Variants in RCSD1 observed in about 807,000 individuals in gnomAD.
RCSD1 encodes RCSD domain containing 1, also known as capZ-interacting protein.
A neutral mutation model predicts 42.5 loss-of-function variants in RCSD1; 26 were observed. The ratio of observed to expected loss-of-function variants is 0.61; its 90% CI spans 0.45 to 0.85. The LOEUF is 0.85. Ranked by LOEUF, RCSD1 falls within the 40% of genes least tolerant of loss-of-function variation. RCSD1 has a pLI of 0.00. For synonymous variants in RCSD1, 220 were observed against 212.2 expected, an observed-to-expected ratio of 1.04 and a Z score of -0.32; for missense variants, 571 against 528.3, an observed-to-expected ratio of 1.08 and a Z score of -0.79.
chr1:167,631,142 C>T (rs777162883), intron 1 of RCSD1, among the ~76,000 whole-genome samples: 17 of 152,256 alleles, frequency 1.1e-4, no homozygotes, highest in Non-Finnish European at 2.1e-4. Context: ...CCCCGCACTT[C>T]TCTGCCTGCT....
chr1:167,663,569 A>G (rs1253887415), intron 1 of RCSD1: 5 of 152,276 alleles, frequency 3.3e-5, no homozygotes, highest in Admixed American at 3.3e-4. Flanking sequence ...GGCCAGAATC[A>G]CACTCCAGCT....
intron 1 of RCSD1, chr1:167,630,721 TAAAAAAAAAAAA>T (rs71097689): frequency 8.3e-4 from 27 of 32,600 alleles, no homozygotes; most frequent in East Asian, 1.3e-3. Context: ...ACTTAAATGC[TAAAAAAAAAAAA>T]AAAAAAAAAA....
intron 1 of RCSD1, among the ~76,000 whole-genome samples, chr1:167,631,139 C>T (rs147688590): frequency 1.1e-3 from 172 of 152,390 alleles, no homozygotes; most frequent in African/African-American, 4.0e-3. Flanking sequence ...AGGCCCCGCA[C>T]TTCTCTGCCT....
chr1:167,668,018 T>C (rs1229367), intron 1 of RCSD1, among the ~76,000 whole-genome samples: 114,287 of 151,944 alleles, frequency 0.75, 43,200 homozygotes, highest in African/African-American at 0.81. Flanking sequence ...GGGCCAGGTG[T>C]GATGGCTCAC....
chr1:167,646,589 T>G (rs567202327), intron 1 of RCSD1, among the ~76,000 whole-genome samples: 1 of 152,160 alleles, frequency 6.6e-6, no homozygotes, highest in Non-Finnish European at 1.5e-5. Flanking sequence ...TAGATATACA[T>G]GTGCCATGGT....
intron 5 of RCSD1, 125 bp downstream of exon 5, chr1:167,694,427 G>T: frequency 1.1e-6 from 1 of 901,502 alleles, no homozygotes; most frequent in East Asian, 2.7e-5. Flanking sequence ...TCAGAGCTGC[G>T]TGTTAACCCA....
chr1:167,691,177 T>C (rs974948266), intron 4 of RCSD1, among the ~76,000 whole-genome samples: 14 of 152,136 alleles, frequency 9.2e-5, no homozygotes, highest in Admixed American at 8.5e-4. Flanking sequence ...TTCCCACCCA[T>C]TGATGCCAGT....
At chr1:167,682,479 T>C (rs927305408) in intron 1 of RCSD1, among the ~76,000 whole-genome samples, 1 of 152,214 alleles carries the variant, frequency 6.6e-6, no homozygotes, top group African/African-American at 2.4e-5. Flanking sequence ...GTCAAAGCCT[T>C]CTTCTCAAAA....
intron 5 of RCSD1, among the ~76,000 whole-genome samples, chr1:167,695,601 C>T (rs989863056): frequency 6.7e-6 from 1 of 148,250 alleles, no homozygotes; most frequent in Non-Finnish European, 1.5e-5. Context: ...TGCAGTGGTG[C>T]GATATTGGCT....
intron 1 of RCSD1, among the ~76,000 whole-genome samples, chr1:167,634,681 TG>T (rs1657789930): frequency 1.3e-5 from 2 of 152,218 alleles, no homozygotes; most frequent in African/African-American, 4.8e-5. Context: ...CTAAATCCTT[TG>T]TTTGTTCAAC....
Position 167,697,166 on chromosome 1 carries a change from G to T in RCSD1, c.542G>T (p.Cys181Phe), listed in dbSNP as rs775644875. The change falls in exon 6 of 7, where the codon TGT becomes TTT. Residue 181 changes from cysteine (C) to phenylalanine (F), a missense_variant. Transcript: ENST00000367854. ...CGATTCCGAAGGTCACAGTCAGACTGTGGAGAACTTGGAGATTTCAGGGCG... is the reference window on the plus strand; with the variant it reads ...CGATTCCGAAGGTCACAGTCAGACTTTGGAGAACTTGGAGATTTCAGGGCG... ...SRRFRRSQSD[C>F]GELGDFRAVE... is the part of the protein sequence containing the mutation. The T allele has an allele frequency of 6.2e-7, 1 of 1,614,208 alleles. No individual in the cohort carries two copies. The highest frequency in any genetic ancestry group is 1.1e-5 in the South Asian group (1 of 91,084).
chr1:167,673,082 G>T (rs917587435), intron 1 of RCSD1, among the ~76,000 whole-genome samples: 19 of 152,300 alleles, frequency 1.2e-4, no homozygotes, highest in African/African-American at 4.1e-4. Flanking sequence ...CGATGCTCGG[G>T]ACTGACCTTG....
At chr1:167,644,377 GCT>G (rs1658078912) in intron 1 of RCSD1, among the ~76,000 whole-genome samples, 1 of 152,116 alleles carries the variant, frequency 6.6e-6, no homozygotes, top group Admixed American at 6.5e-5. Context: ...TACTCAGGAG[GCT>G]GAGACAGGAG....
intron 1 of RCSD1, among the ~76,000 whole-genome samples, chr1:167,679,426 T>C (rs754088457): frequency 2.0e-5 from 3 of 152,360 alleles, no homozygotes; most frequent in Non-Finnish European, 4.4e-5. Flanking sequence ...TTGGGATACA[T>C]TGAAGAACTA....
chr1:167,674,330 C>T (rs756746388), intron 1 of RCSD1, among the ~76,000 whole-genome samples: 8 of 152,192 alleles, frequency 5.3e-5, no homozygotes, highest in Non-Finnish European at 1.2e-4. Context: ...AGGGCTGAGC[C>T]TGTGGGTGGA....
At chr1:167,652,954 G>C (rs146129919) in intron 1 of RCSD1, among the ~76,000 whole-genome samples, 4 of 152,202 alleles carry the variant, frequency 2.6e-5, no homozygotes, top group Non-Finnish European at 5.9e-5. Flanking sequence ...TTTTCTTATA[G>C]TATATTCTAA....
intron 3 of RCSD1, among the ~76,000 whole-genome samples, chr1:167,688,770 G>T (rs528300574): frequency 1.3e-5 from 2 of 152,184 alleles, no homozygotes; most frequent in Non-Finnish European, 2.9e-5. Flanking sequence ...GATCAGTGTA[G>T]TTCTTCTTAT....
intron 1 of RCSD1, among the ~76,000 whole-genome samples, chr1:167,644,294 A>C (rs1217143788): frequency 6.6e-6 from 1 of 152,184 alleles, no homozygotes; most frequent in Non-Finnish European, 1.5e-5. Context: ...AGCCTGACCA[A>C]CATGGAGAAA....
intron 6 of RCSD1, among the ~76,000 whole-genome samples, chr1:167,702,855 T>C (rs556892485): frequency 8.5e-5 from 13 of 152,300 alleles, no homozygotes; most frequent in Middle Eastern, 3.4e-3. Flanking sequence ...TCATTATGTA[T>C]CCAGTATTGT....
Sources: gnomAD v4.1 joint callset for allele counts (sites outside exome capture counted in the v4.1 genomes callset) on GRCh38, gnomAD v4.1.1 for gene constraint, MANE v1.5 for transcripts, NCBI Gene and HGNC (gene_info 2026-07-23, HGNC 2026-07-21) for gene names.